Variants in CIST1 observed in about 807,000 individuals in gnomAD.
CIST1 encodes the protein colon, intestine and stomach enriched 1, also known as uncharacterized LOC729966.
At chr19:18,252,216 C>G in the CIST1 span, 1 of 398,922 alleles carries the variant, frequency 2.5e-6, no homozygotes, top group African/African-American at 2.1e-5. Context: ...GGAGCCAGAA[C>G]TAGGGTGCGT....
chr19:18,252,058 A>G, the CIST1 span: 1 of 398,408 alleles, frequency 2.5e-6, no homozygotes, highest in Non-Finnish European at 4.4e-6. Context: ...ATCTCTTAAT[A>G]CTCACCTGGG....
the CIST1 span, among the ~76,000 whole-genome samples, chr19:18,251,747 C>G: frequency 7.9e-6 from 1 of 125,860 alleles, no homozygotes; most frequent in African/African-American, 2.8e-5. Context: ...GCCACCGCGC[C>G]CCGCCATTTT....
chr19:18,250,595 G>A, the CIST1 span: 2 of 396,646 alleles, frequency 5.0e-6, no homozygotes, highest in African/African-American at 4.1e-5. Flanking sequence ...CTCTCCAGTT[G>A]AGGCTGCCAC....
chr19:18,251,706 G>GCCCCCGC, the CIST1 span, among the ~76,000 whole-genome samples: 4 of 35,460 alleles, frequency 1.1e-4, no homozygotes, highest in Non-Finnish European at 1.8e-4. Flanking sequence ...CCCGCCCTCG[G>GCCCCCGC]CCTCCCAAAG....
chr19:18,251,989 T>A, the CIST1 span: 2 of 398,126 alleles, frequency 5.0e-6, no homozygotes, highest in Admixed American at 8.8e-5. Context: ...TACCTCCCCC[T>A]GGTGGTCAGT....
At chr19:18,254,030 C>T in the CIST1 span, among the ~76,000 whole-genome samples, 2 of 152,208 alleles carry the variant, frequency 1.3e-5, no homozygotes, top group Non-Finnish European at 2.9e-5. Flanking sequence ...GGGGCTGGGT[C>T]CACATGCCAC....
the CIST1 span, among the ~76,000 whole-genome samples, chr19:18,251,412 C>T: frequency 5.3e-5 from 8 of 151,564 alleles, no homozygotes; most frequent in East Asian, 1.4e-3. Flanking sequence ...AGATGTGAAC[C>T]ACCACGCCCA....
the CIST1 span, among the ~76,000 whole-genome samples, chr19:18,253,859 A>G: frequency 2.0e-5 from 3 of 152,248 alleles, no homozygotes; most frequent in African/African-American, 7.2e-5. Flanking sequence ...ACGACTTCCC[A>G]CCCAGTTCCA....
the CIST1 span, chr19:18,249,952 C>CCCCAGCACAGAG: frequency 2.5e-6 from 1 of 395,262 alleles, no homozygotes; most frequent in Non-Finnish European, 4.5e-6. Context: ...CCCACTGTGA[C>CCCCAGCACAGAG]CCCAGCACAG....
the CIST1 span, among the ~76,000 whole-genome samples, chr19:18,252,643 C>T: frequency 8.0e-5 from 12 of 150,680 alleles, no homozygotes; most frequent in Admixed American, 1.3e-4. Flanking sequence ...TTTGAGATGG[C>T]GTCTCGCTCT....
At chr19:18,250,477 G>A in the CIST1 span, 11 of 398,922 alleles carry the variant, frequency 2.8e-5, 1 homozygote, top group Non-Finnish European at 4.9e-5. Flanking sequence ...CTGGAGCTGG[G>A]GAAAGGAACT....
the CIST1 span, among the ~76,000 whole-genome samples, chr19:18,251,711 C>CGCCCCCG: frequency 1.7e-5 from 1 of 60,244 alleles, no homozygotes; most frequent in Non-Finnish European, 3.9e-5. Flanking sequence ...CCTCGGCCTC[C>CGCCCCCG]CAAAGTGCTG....
the CIST1 span, chr19:18,255,369 G>T: frequency 2.5e-6 from 1 of 398,662 alleles, no homozygotes; most frequent in South Asian, 1.3e-4. This position sits in a 1 kb window ranked among gnomAD's most constrained non-coding sequence, Gnocchi z 4.6. Context: ...GTGTGCCCAG[G>T]TGCCAGCTCC....
chr19:18,252,799 G>T, the CIST1 span, among the ~76,000 whole-genome samples: 75 of 152,136 alleles, frequency 4.9e-4, 2 homozygotes, highest in Admixed American at 4.0e-3. Context: ...TGCATTTTTA[G>T]TTTCACTGTG....
the CIST1 span, among the ~76,000 whole-genome samples, chr19:18,254,785 G>A: frequency 9.2e-5 from 14 of 152,346 alleles, no homozygotes; most frequent in African/African-American, 3.4e-4. Context: ...AGGAGAGCAA[G>A]AGGGAATTAA....
the CIST1 span, among the ~76,000 whole-genome samples, chr19:18,251,005 G>A: frequency 9.3e-5 from 14 of 151,176 alleles, no homozygotes; most frequent in East Asian, 2.8e-3. Context: ...TGAACTCATT[G>A]GCTCAGGTGA....
At chr19:18,255,151 A>T in the CIST1 span, 17 of 397,682 alleles carry the variant, frequency 4.3e-5, no homozygotes, top group Non-Finnish European at 7.1e-5. The surrounding 1 kb of genome is among the most constrained non-coding windows in gnomAD (Gnocchi z 4.6). Flanking sequence ...CAGGTGTGTG[A>T]CTGGGCTGTG....
the CIST1 span, among the ~76,000 whole-genome samples, chr19:18,252,778 T>C: frequency 6.6e-6 from 1 of 152,124 alleles, no homozygotes; most frequent in Admixed American, 6.6e-5. Context: ...TTACCACGCC[T>C]GGCTAATTTT....
At chr19:18,253,655 A>C in the CIST1 span, among the ~76,000 whole-genome samples, 1 of 152,088 alleles carries the variant, frequency 6.6e-6, no homozygotes, top group Non-Finnish European at 1.5e-5. Flanking sequence ...GATCAGCCCT[A>C]ATTTTCTCCA....
Sources: gnomAD v4.1 joint callset for allele counts (sites outside exome capture counted in the v4.1 genomes callset) on GRCh38, gnomAD v4.1.1 for gene constraint, Gnocchi (gnomAD v3.1) non-coding constraint, MANE v1.5 for transcripts, NCBI Gene and HGNC (gene_info 2026-07-23, HGNC 2026-07-21) for gene names.